The following CNTN3 variants were observed in gnomAD, a reference collection of about 807,000 sequenced individuals.
The protein encoded by CNTN3 is contactin-3.
A neutral mutation model predicts 119.1 loss-of-function variants in CNTN3; 60 were observed. The observed-to-expected ratio is 0.50, with a 90% CI of 0.41 to 0.62. The LOEUF (loss-of-function observed/expected upper bound fraction) is 0.62. CNTN3 is among the 20% of genes least tolerant of loss of function. CNTN3 has a pLI of 0.00. For synonymous variants in CNTN3, 450 were observed against 438.7 expected, an observed-to-expected ratio of 1.03 and a Z score of -0.32; for missense variants, 1,101 against 1,242.4, an observed-to-expected ratio of 0.89 and a Z score of 1.71.
chr3:74,346,545 A>C (rs1457864398), intron 11 of CNTN3, among the ~76,000 whole-genome samples: 1 of 152,178 alleles, frequency 6.6e-6, no homozygotes, highest in Non-Finnish European at 1.5e-5. Context: ...TACAAAATGA[A>C]TTGTTTGGAG....
At chr3:74,468,659 CA>C (rs886511124) in intron 4 of CNTN3, among the ~76,000 whole-genome samples, 1 of 151,984 alleles carries the variant, frequency 6.6e-6, no homozygotes, top group African/African-American at 2.4e-5. Flanking sequence ...GAGAACAAAA[CA>C]AAAAAATACA....
chr3:74,556,683 C>T (rs939211530), intron 1 of CNTN3, among the ~76,000 whole-genome samples: 2 of 151,932 alleles, frequency 1.3e-5, no homozygotes, highest in Admixed American at 6.6e-5. Context: ...TCATATGGGA[C>T]CTCTATATTT....
At chr3:74,289,304 G>A (rs148827898) in intron 19 of CNTN3, among the ~76,000 whole-genome samples, 9 of 152,102 alleles carry the variant, frequency 5.9e-5, no homozygotes, top group East Asian at 3.9e-4. Flanking sequence ...ATGTTTAATC[G>A]TTGTTTCCTT....
At chr3:74,274,244 T>C (rs927004417) in intron 20 of CNTN3, among the ~76,000 whole-genome samples, 1 of 152,046 alleles carries the variant, frequency 6.6e-6, no homozygotes, top group Non-Finnish European at 1.5e-5. Context: ...ACAAAAGGCA[T>C]ATACTCTTGG....
intron 1 of CNTN3, among the ~76,000 whole-genome samples, chr3:74,606,936 G>GTTTCTATAAA (rs1705002487): frequency 6.6e-6 from 1 of 152,080 alleles, no homozygotes; most frequent in Non-Finnish European, 1.5e-5. Flanking sequence ...ATAGAAACAT[G>GTTTCTATAAA]TATATCTCCA....
chr3:74,545,741 TA>T (rs888783375), intron 1 of CNTN3, among the ~76,000 whole-genome samples: 4 of 152,212 alleles, frequency 2.6e-5, no homozygotes, highest in African/African-American at 9.6e-5. Flanking sequence ...TGTCCATTTT[TA>T]AAATTATGTT....
intron 3 of CNTN3, among the ~76,000 whole-genome samples, chr3:74,495,925 A>G (rs1559632384): frequency 6.6e-6 from 1 of 152,056 alleles, no homozygotes; most frequent in Non-Finnish European, 1.5e-5. Flanking sequence ...AAGAGAGAAA[A>G]ATGAAAGCAT....
At chr3:74,443,274 T>C (rs1701996177) in intron 4 of CNTN3, among the ~76,000 whole-genome samples, 1 of 152,182 alleles carries the variant, frequency 6.6e-6, no homozygotes, top group Admixed American at 6.5e-5. Context: ...CTATTCTTCC[T>C]TCTGGGCCCT....
chr3:74,423,015 A>G (rs1436597527), intron 5 of CNTN3, among the ~76,000 whole-genome samples: 2 of 152,180 alleles, frequency 1.3e-5, no homozygotes, highest in East Asian at 3.9e-4. Flanking sequence ...TTTAGCATTA[A>G]GGATCACAGA....
chr3:74,538,915 C>T (rs920143110), intron 1 of CNTN3, among the ~76,000 whole-genome samples: 1 of 152,036 alleles, frequency 6.6e-6, no homozygotes, highest in African/African-American at 2.4e-5. Flanking sequence ...CAATTATGCA[C>T]AGCTGTTGCC....
chr3:74,536,570 G>A (rs1703768180), intron 1 of CNTN3, among the ~76,000 whole-genome samples: 1 of 151,978 alleles, frequency 6.6e-6, no homozygotes, highest in South Asian at 2.1e-4. Flanking sequence ...TGTTTCTTCG[G>A]TACCTAGAAC....
At chr3:74,297,402 C>T (rs925106229) in intron 18 of CNTN3, among the ~76,000 whole-genome samples, 12 of 143,000 alleles carry the variant, frequency 8.4e-5, no homozygotes, top group Admixed American at 1.4e-4. Flanking sequence ...AAACAAAACA[C>T]GGGTGTACAG....
At chr3:74,526,788 C>A (rs1442398007) in intron 1 of CNTN3, among the ~76,000 whole-genome samples, 2 of 151,848 alleles carry the variant, frequency 1.3e-5, no homozygotes. Context: ...CCATGAACAC[C>A]TACAGCACTT....
At chr3:74,442,027 T>A (rs139505772) in intron 4 of CNTN3, among the ~76,000 whole-genome samples, 62 of 152,156 alleles carry the variant, frequency 4.1e-4, no homozygotes, top group African/African-American at 1.4e-3. Context: ...TAAAATAGAT[T>A]GAAAATGGGG....
rs181736271 is a variant in CNTN3, at chr3:74,388,894, T to C, written c.455-17495A>G. Among the ~76,000 whole-genome samples the C allele has an allele frequency of 3.6e-3, 549 of 152,330 alleles. 2 individuals carry two copies. Among genetic ancestry groups the C allele is most frequent in the Middle Eastern group, 0.01 (3 of 294 alleles). The stretch of plus-strand genomic sequence containing the variant: ...CACTTCCTTTTTTCATTTCTTATGT[T>C]AGTTACCACATTTTCATTTGATTAT... On this transcript the variant is annotated intron_variant, in intron 5 of 22. Transcript: ENST00000263665.
At chr3:74,270,863 G>A (rs1422825964) in intron 20 of CNTN3, among the ~76,000 whole-genome samples, 1 of 152,096 alleles carries the variant, frequency 6.6e-6, no homozygotes, top group Non-Finnish European at 1.5e-5. Context: ...TTGGCAGAAT[G>A]CTAAATTAGA....
At chr3:74,339,913 AG>A in intron 11 of CNTN3, among the ~76,000 whole-genome samples, 1 of 151,316 alleles carries the variant, frequency 6.6e-6, no homozygotes, top group Non-Finnish European at 1.5e-5. Flanking sequence ...ATAGATAGAT[AG>A]ATAGATAGAT....
chr3:74,273,683 C>T (rs1701825782), intron 20 of CNTN3, among the ~76,000 whole-genome samples: 1 of 152,172 alleles, frequency 6.6e-6, no homozygotes, highest in South Asian at 2.1e-4. Context: ...GGTCCCCAAG[C>T]AGGCCACTCC....
Position 74,264,409 on chromosome 3 carries a change from G to C in CNTN3, c.3079C>G (p.Leu1027Val), listed in dbSNP as rs1211504095. The part of the protein sequence containing the change: ...PIVLFLIVYV[L>V]W Reference sequence around the variant, plus strand: ...ATAAAAAGGAGTTAATATCACCACAGGACATATACAATTAAGAACAGTACT... The same window carrying C: ...ATAAAAAGGAGTTAATATCACCACACGACATATACAATTAAGAACAGTACT... The change falls in exon 23 of 23, where the codon CTG becomes GTG. Residue 1027 changes from leucine (L) to valine (V), a missense_variant. Leu to Val is a conservative substitution (Grantham distance 32). Transcript: ENST00000263665. 1 of 1,573,344 alleles carries C rather than the reference G, an allele frequency of 6.4e-7. No individual in the cohort carries two copies. Among genetic ancestry groups the C allele is most frequent in the Non-Finnish European group, 8.7e-7 (1 of 1,154,838 alleles).
Sources: allele counts gnomAD v4.1 joint callset (sites outside exome capture counted in the v4.1 genomes callset), GRCh38; gene constraint gnomAD v4.1.1; transcripts MANE v1.5; gene names NCBI Gene and HGNC (gene_info 2026-07-23, HGNC 2026-07-21).